ERBB4: variants seen among roughly 807,000 people sequenced by gnomAD.
The protein encoded by ERBB4 is erb-b2 receptor tyrosine kinase 4.
Under a neutral mutation model 158.0 loss-of-function variants are expected in ERBB4, and 42 were observed. The observed-to-expected ratio is 0.27, with a 90% CI of 0.21 to 0.34. The LOEUF is 0.34. ERBB4 is among the 10% of genes least tolerant of loss of function. ERBB4 has a pLI of 1.00. For missense variants in ERBB4, 1,333 were observed against 1,624.1 expected (o/e 0.82, Z 3.08); for synonymous variants, 583 against 558.7 (o/e 1.04, Z -0.61).
At chr2:211,882,897 C>T (rs1019915949) in intron 3 of ERBB4, among the ~76,000 whole-genome samples, 2 of 152,144 alleles carry the variant, frequency 1.3e-5, no homozygotes, top group Non-Finnish European at 2.9e-5. Context: ...CTCCTTGTAT[C>T]TGTGTTGGGT....
chr2:212,065,432 G>A (rs10804202), intron 2 of ERBB4, among the ~76,000 whole-genome samples: 125,684 of 151,968 alleles, frequency 0.83, 53,566 homozygotes, highest in East Asian at 1. Flanking sequence ...CGGTGATTTA[G>A]TGTAAACAAT....
intron 3 of ERBB4, among the ~76,000 whole-genome samples, chr2:211,897,922 A>T (rs1462956655): frequency 6.6e-6 from 1 of 151,710 alleles, no homozygotes; most frequent in African/African-American, 2.4e-5. Flanking sequence ...GTGCCCGGTT[A>T]ATATTTAAAT....
At chr2:212,107,318 T>C (rs1307829429) in intron 2 of ERBB4, among the ~76,000 whole-genome samples, 1 of 152,184 alleles carries the variant, frequency 6.6e-6, no homozygotes, top group East Asian at 1.9e-4. Context: ...GAGATCTTTT[T>C]TTTTGGAGCT....
At chr2:211,897,110 T>A (rs1374192789) in intron 3 of ERBB4, among the ~76,000 whole-genome samples, 3 of 150,640 alleles carry the variant, frequency 2.0e-5, no homozygotes, top group Non-Finnish European at 4.4e-5. Context: ...TGTTTAAAGC[T>A]CTTATATTAT....
intron 19 of ERBB4, among the ~76,000 whole-genome samples, chr2:211,574,776 TAA>T (rs925226913): frequency 2.0e-5 from 3 of 152,346 alleles, no homozygotes; most frequent in Admixed American, 6.5e-5. Context: ...AATGATTTTC[TAA>T]AGAGATTATT....
At chr2:211,832,635 C>T (rs2077248763) in intron 3 of ERBB4, among the ~76,000 whole-genome samples, 1 of 149,988 alleles carries the variant, frequency 6.7e-6, no homozygotes, top group African/African-American at 2.4e-5. Flanking sequence ...TATATACACA[C>T]ATATATGTAA....
intron 19 of ERBB4, among the ~76,000 whole-genome samples, chr2:211,583,369 A>G (rs890687770): frequency 9.2e-5 from 14 of 152,094 alleles, no homozygotes; most frequent in African/African-American, 3.4e-4. Flanking sequence ...GGGTGGTAAA[A>G]AAGTTGAGAG....
At chr2:212,389,464 G>C (rs1482030568) in intron 1 of ERBB4, among the ~76,000 whole-genome samples, 5 of 151,872 alleles carry the variant, frequency 3.3e-5, no homozygotes, top group Admixed American at 6.6e-5. Context: ...TTATTTTCTT[G>C]TTGTGCTTAC....
intron 3 of ERBB4, among the ~76,000 whole-genome samples, chr2:211,842,321 T>G (rs1157241299): frequency 6.6e-6 from 1 of 151,970 alleles, no homozygotes; most frequent in Non-Finnish European, 1.5e-5. Flanking sequence ...TTTTTCCTTG[T>G]TAATACAATG....
At chr2:212,040,980 A>C (rs2077127589) in intron 2 of ERBB4, among the ~76,000 whole-genome samples, 2 of 152,096 alleles carry the variant, frequency 1.3e-5, no homozygotes, top group Admixed American at 6.6e-5. Context: ...GTCTTCTAAC[A>C]AGCTCCTAAA....
At chr2:211,828,810 A>G in intron 3 of ERBB4, among the ~76,000 whole-genome samples, 1 of 152,058 alleles carries the variant, frequency 6.6e-6, no homozygotes, top group East Asian at 1.9e-4. Context: ...GGCTCTTCCC[A>G]GGTCTCACTC....
At chr2:211,877,453 A>C (rs1052627407) in intron 3 of ERBB4, among the ~76,000 whole-genome samples, 3 of 152,202 alleles carry the variant, frequency 2.0e-5, no homozygotes, top group African/African-American at 7.2e-5. Context: ...GATTTACTTT[A>C]TATAAACACT....
intron 1 of ERBB4, among the ~76,000 whole-genome samples, chr2:212,153,038 C>T (rs778672965): frequency 5.3e-5 from 8 of 152,218 alleles, no homozygotes; most frequent in Non-Finnish European, 8.8e-5. Flanking sequence ...CTGGAGAAGC[C>T]AATCTACAGA....
At chr2:212,142,585 A>ATT (rs1553567906) in intron 1 of ERBB4, among the ~76,000 whole-genome samples, 2 of 147,036 alleles carry the variant, frequency 1.4e-5, no homozygotes, top group African/African-American at 2.5e-5. Context: ...TAAAGGACAC[A>ATT]TTATATATAT....
chr2:211,995,984 A>G (rs769125121), intron 2 of ERBB4, among the ~76,000 whole-genome samples: 1 of 152,220 alleles, frequency 6.6e-6, no homozygotes, highest in Non-Finnish European at 1.5e-5. Context: ...GCCTAGAATG[A>G]TGCCTTAAGG....
At chr2:211,857,015 G>A (rs2106055600) in intron 3 of ERBB4, among the ~76,000 whole-genome samples, 1 of 152,144 alleles carries the variant, frequency 6.6e-6, no homozygotes, top group East Asian at 1.9e-4. Flanking sequence ...ATAATTGTAT[G>A]TTATAATATT....
At chr2:212,352,944 A>T (rs542221998) in intron 1 of ERBB4, among the ~76,000 whole-genome samples, 2 of 152,026 alleles carry the variant, frequency 1.3e-5, no homozygotes, top group Admixed American at 6.6e-5. Context: ...ATTTTTTTTC[A>T]TGGGCAAATT....
At chr2:211,994,066 C>T (rs1450429780) in intron 2 of ERBB4, among the ~76,000 whole-genome samples, 1 of 151,970 alleles carries the variant, frequency 6.6e-6, no homozygotes, top group Non-Finnish European at 1.5e-5. Flanking sequence ...TTTGGACACT[C>T]ACTGCTTTAA....
At chr2:211,798,047 C>T (rs2076418793) in intron 3 of ERBB4, among the ~76,000 whole-genome samples, 1 of 151,926 alleles carries the variant, frequency 6.6e-6, no homozygotes, top group South Asian at 2.1e-4. Flanking sequence ...TTTACATATA[C>T]ATGTATACAA....
Sources: allele counts gnomAD v4.1 joint callset (sites outside exome capture counted in the v4.1 genomes callset), GRCh38; gene constraint gnomAD v4.1.1; transcripts MANE v1.5; gene names NCBI Gene and HGNC (gene_info 2026-07-23, HGNC 2026-07-21).